The following MAGI2 variants were observed in gnomAD, a reference collection of about 807,000 sequenced individuals.
The protein encoded by MAGI2 is membrane associated guanylate kinase, WW and PDZ domain containing 2.
MAGI2 carries 35 observed loss-of-function variants against 133.3 expected under a neutral mutation model. The observed-to-expected ratio is 0.26, with a 90% CI of 0.20 to 0.35. The LOEUF (loss-of-function observed/expected upper bound fraction) is 0.35, where lower values mean the gene tolerates loss of function less well. MAGI2 is among the 10% of genes least tolerant of loss of function. The pLI is 1.00. For missense variants in MAGI2, 1,636 were observed against 1,863.4 expected (o/e 0.88, Z 2.25); for synonymous variants, 729 against 710.6 (o/e 1.03, Z -0.41).
At chr7:78,077,733 T>TTTTTTG in intron 21 of MAGI2, among the ~76,000 whole-genome samples, 1 of 146,354 alleles carries the variant, frequency 6.8e-6, no homozygotes, top group Non-Finnish European at 1.5e-5. Flanking sequence ...ATGTTTTTTT[T>TTTTTTG]TTTTTTTTTT....
intron 13 of MAGI2, among the ~76,000 whole-genome samples, chr7:78,178,754 A>G (rs189792394): frequency 2.5e-4 from 38 of 152,342 alleles, no homozygotes; most frequent in African/African-American, 8.2e-4. Context: ...ACTTACAGGT[A>G]GAAATTCATC....
intron 1 of MAGI2, among the ~76,000 whole-genome samples, chr7:79,113,078 C>T (rs1209397771): frequency 6.6e-6 from 1 of 152,154 alleles, no homozygotes; most frequent in African/African-American, 2.4e-5. Context: ...GGCAGATTGT[C>T]ATATAGACTA....
intron 1 of MAGI2, among the ~76,000 whole-genome samples, chr7:79,165,137 A>C (rs1824786887): frequency 6.6e-6 from 1 of 151,788 alleles, no homozygotes; most frequent in Admixed American, 6.6e-5. Context: ...ACAAAGCATT[A>C]GGATAAGTGG....
At chr7:78,644,008 T>C (rs1348062607) in intron 2 of MAGI2, among the ~76,000 whole-genome samples, 1 of 152,088 alleles carries the variant, frequency 6.6e-6, no homozygotes, top group Non-Finnish European at 1.5e-5. Context: ...AGCTATGCTA[T>C]GCAATGAGCA....
At chr7:78,328,529 A>ACACACACACACACACACAC (rs1408831333) in intron 9 of MAGI2, among the ~76,000 whole-genome samples, 4 of 99,776 alleles carry the variant, frequency 4.0e-5, no homozygotes, top group African/African-American at 1.5e-4. Flanking sequence ...ACACACACAC[A>ACACACACACACACACACAC]CCCCTCTCTC....
chr7:79,134,296 C>G (rs1228338256), intron 1 of MAGI2, among the ~76,000 whole-genome samples: 2 of 152,182 alleles, frequency 1.3e-5, no homozygotes, highest in Non-Finnish European at 2.9e-5. Context: ...TAAAAACGCT[C>G]ACAGGCATCT....
chr7:78,343,519 G>A (rs1378481996), intron 9 of MAGI2, among the ~76,000 whole-genome samples: 1 of 152,112 alleles, frequency 6.6e-6, no homozygotes, highest in Admixed American at 6.6e-5. Flanking sequence ...TTAGAAAAGT[G>A]TCAATCTCAA....
intron 6 of MAGI2, among the ~76,000 whole-genome samples, chr7:78,395,066 G>A (rs1224652739): frequency 6.6e-6 from 1 of 152,192 alleles, no homozygotes; most frequent in Non-Finnish European, 1.5e-5. Context: ...TTATAAAGGA[G>A]AATAATTTAT....
At chr7:78,582,712 A>G (rs1229265221) in intron 3 of MAGI2, among the ~76,000 whole-genome samples, 1 of 152,240 alleles carries the variant, frequency 6.6e-6, no homozygotes, top group Non-Finnish European at 1.5e-5. Flanking sequence ...TAACACTATG[A>G]TTTCAGGACA....
intron 1 of MAGI2, among the ~76,000 whole-genome samples, chr7:79,033,322 T>C (rs775582840): frequency 2.0e-5 from 3 of 152,226 alleles, no homozygotes; most frequent in Admixed American, 6.5e-5. Context: ...TTTGGTCACC[T>C]ATGTGAAGGA....
chr7:78,637,442 AT>A (rs148803386), intron 2 of MAGI2, among the ~76,000 whole-genome samples: 38,592 of 150,704 alleles, frequency 0.26, 5,435 homozygotes, highest in East Asian at 0.58. Flanking sequence ...AAAAAAAAAA[AT>A]AAGCATCTAA....
At chr7:78,996,524 G>A (rs1806326500) in intron 2 of MAGI2, among the ~76,000 whole-genome samples, 1 of 152,254 alleles carries the variant, frequency 6.6e-6, no homozygotes, top group African/African-American at 2.4e-5. Flanking sequence ...GAGGGTGGGA[G>A]GAGGGAGAGG....
intron 5 of MAGI2, among the ~76,000 whole-genome samples, chr7:78,490,511 G>T (rs1209405344): frequency 1.3e-5 from 2 of 152,042 alleles, no homozygotes; most frequent in Non-Finnish European, 2.9e-5. Flanking sequence ...TTTCTTGTAA[G>T]AGTTTTGCCA....
At chr7:78,641,551 A>C (rs1810311339) in intron 2 of MAGI2, among the ~76,000 whole-genome samples, 1 of 152,208 alleles carries the variant, frequency 6.6e-6, no homozygotes, top group Admixed American at 6.5e-5. Context: ...TTGTGTCTTC[A>C]TGATCTTGTC....
At chr7:79,372,584 C>T (rs925318961) in intron 1 of MAGI2, among the ~76,000 whole-genome samples, 4 of 151,966 alleles carry the variant, frequency 2.6e-5, no homozygotes, top group African/African-American at 9.7e-5. Context: ...CTCAAAAAGT[C>T]CTTGCTGAAT....
chr7:78,554,466 C>T (rs1378580704), intron 3 of MAGI2: 1 of 152,146 alleles, frequency 6.6e-6, no homozygotes, highest in Non-Finnish European at 1.5e-5. Flanking sequence ...TAAAAGAACA[C>T]AAAGCTCTAT....
intron 3 of MAGI2, among the ~76,000 whole-genome samples, chr7:78,552,383 A>G (rs1272473231): frequency 6.6e-6 from 1 of 151,812 alleles, no homozygotes; most frequent in South Asian, 2.1e-4. Flanking sequence ...GGGTTTCACC[A>G]TGTTGGTCAG....
At chr7:78,874,580 A>G (rs1795273116) in intron 2 of MAGI2, among the ~76,000 whole-genome samples, 1 of 152,202 alleles carries the variant, frequency 6.6e-6, no homozygotes, top group African/African-American at 2.4e-5. Context: ...GAAATCCAAA[A>G]AAGTTGATCT....
At chr7:78,395,485 A>G (rs940967458) in intron 6 of MAGI2, among the ~76,000 whole-genome samples, 3 of 152,180 alleles carry the variant, frequency 2.0e-5, no homozygotes, top group African/African-American at 7.2e-5. Flanking sequence ...GTCACAAAAC[A>G]TCCACCAGTA....
Sources: allele counts gnomAD v4.1 joint callset (sites outside exome capture counted in the v4.1 genomes callset), GRCh38; gene constraint gnomAD v4.1.1; transcripts MANE v1.5; gene names NCBI Gene and HGNC (gene_info 2026-07-23, HGNC 2026-07-21).